CENPW: variants seen among roughly 807,000 people sequenced by gnomAD.
CENPW encodes cancer-up-regulated gene 2 protein.
CENPW carries 3 observed loss-of-function variants against 11.1 expected under a neutral mutation model. The ratio of observed to expected loss-of-function variants is 0.27; its 90% CI spans 0.12 to 0.70. The LOEUF is 0.70. CENPW is among the 30% of genes least tolerant of loss of function. The pLI is 0.77. For missense variants in CENPW, 100 were observed against 105.6 expected (o/e 0.95, Z 0.23); for synonymous variants, 38 against 42.0 (o/e 0.91, Z 0.37).
At chr6:126,348,349 G>GT in intron 2 of CENPW, 117 bp from the exon 3 acceptor site, 1 of 598,722 alleles carries the variant, frequency 1.7e-6, no homozygotes, top group South Asian at 2.0e-5. Context: ...TGGAAAATTG[G>GT]GTTTTATAAA....
At chr6:126,435,739 T>C in the CENPW span, among the ~76,000 whole-genome samples, 3 of 151,898 alleles carry the variant, frequency 2.0e-5, no homozygotes, top group Admixed American at 6.6e-5. Context: ...CAGTGTAATG[T>C]CTTATTAGAT....
the CENPW span, among the ~76,000 whole-genome samples, chr6:126,433,176 T>C: frequency 1.3e-5 from 2 of 152,238 alleles, no homozygotes; most frequent in African/African-American, 4.8e-5. Flanking sequence ...GAAACACATA[T>C]TTAGTTTTTC....
chr6:126,380,673 CTTAT>C, the CENPW span, among the ~76,000 whole-genome samples: 3 of 152,218 alleles, frequency 2.0e-5, no homozygotes, highest in Admixed American at 6.5e-5. Context: ...ATTTTATTTG[CTTAT>C]TTATTTAATA....
chr6:126,416,793 T>A, the CENPW span, among the ~76,000 whole-genome samples: 1 of 152,220 alleles, frequency 6.6e-6, no homozygotes, highest in East Asian at 1.9e-4. Context: ...TGTATGGAAA[T>A]GCCTGGATGT....
chr6:126,397,238 T>G, the CENPW span, among the ~76,000 whole-genome samples: 7 of 152,268 alleles, frequency 4.6e-5, no homozygotes, highest in Admixed American at 2.0e-4. Flanking sequence ...ACCCCTAGGA[T>G]GGACAATTCT....
At chr6:126,439,645 A>G in the CENPW span, among the ~76,000 whole-genome samples, 6 of 151,770 alleles carry the variant, frequency 4.0e-5, no homozygotes, top group African/African-American at 1.4e-4. Context: ...TTTGTACCAA[A>G]TTGATTATTT....
At chr6:126,421,579 TTTC>T in the CENPW span, among the ~76,000 whole-genome samples, 1 of 123,726 alleles carries the variant, frequency 8.1e-6, no homozygotes. Flanking sequence ...TTTCTAACAC[TTTC>T]TTTTTTTTTT....
the CENPW span, among the ~76,000 whole-genome samples, chr6:126,480,160 T>G: frequency 1.3e-5 from 2 of 152,018 alleles, no homozygotes; most frequent in Non-Finnish European, 2.9e-5. Context: ...TTAACTTTGT[T>G]TTTTAAAGTC....
chr6:126,370,201 T>C, the CENPW span, among the ~76,000 whole-genome samples: 1 of 152,218 alleles, frequency 6.6e-6, no homozygotes, highest in African/African-American at 2.4e-5. Flanking sequence ...AGTTAGGTAA[T>C]GTGATGCCTT....
At chr6:126,386,841 A>C in the CENPW span, among the ~76,000 whole-genome samples, 1 of 152,026 alleles carries the variant, frequency 6.6e-6, no homozygotes, top group Non-Finnish European at 1.5e-5. Context: ...TGATAAGTAC[A>C]ATAATTGGAA....
the CENPW span, among the ~76,000 whole-genome samples, chr6:126,412,558 T>C: frequency 6.6e-6 from 1 of 152,272 alleles, no homozygotes; most frequent in East Asian, 1.9e-4. Context: ...ATGGAATTGT[T>C]GAGCTTTTTC....
rs536697565 is a variant in CENPW, at chr6:126,348,863, T to A, written c.*371T>A. 1 of 157,604 alleles carries A rather than the reference T, an allele frequency of 6.3e-6. No individual in the cohort carries two copies. The highest frequency in any genetic ancestry group is 2.4e-5 in the African/African-American group (1 of 41,740). 9.8% of individuals were successfully genotyped at this position (157,604 alleles called of 1,614,324 possible). On this transcript the variant is annotated 3_prime_UTR_variant, in exon 3 of 3. Transcript: ENST00000368328. ...AGCCACAGTTAACTATGGAATTTAA[T>A]CTCTGAAGAAAGGCAAATGCAGTCA...
chr6:126,428,917 G>C, the CENPW span, among the ~76,000 whole-genome samples: 875 of 152,068 alleles, frequency 5.8e-3, 13 homozygotes, highest in African/African-American at 0.02. Context: ...TACTGTTTTT[G>C]TATGTATTCT....
chr6:126,469,325 C>T, the CENPW span, among the ~76,000 whole-genome samples: 9 of 152,214 alleles, frequency 5.9e-5, no homozygotes, highest in East Asian at 1.9e-4. Context: ...TGTCTCCTAC[C>T]GCCTTATGAA....
intron 1 of CENPW, among the ~76,000 whole-genome samples, chr6:126,340,658 A>T (rs1299427180): frequency 6.6e-6 from 1 of 152,188 alleles, no homozygotes; most frequent in East Asian, 1.9e-4. Flanking sequence ...CATGAGCTTA[A>T]CGTACAGTTA....
the CENPW span, among the ~76,000 whole-genome samples, chr6:126,391,654 A>G: frequency 1.3e-5 from 2 of 151,778 alleles, no homozygotes; most frequent in Non-Finnish European, 3.0e-5. Flanking sequence ...GTTATATGGC[A>G]AGAGATAGGA....
chr6:126,394,704 C>T, the CENPW span, among the ~76,000 whole-genome samples: 2 of 152,030 alleles, frequency 1.3e-5, no homozygotes, highest in Non-Finnish European at 2.9e-5. Context: ...TTTAGCATTT[C>T]TTGTCAGACA....
At chr6:126,457,310 C>G in the CENPW span, among the ~76,000 whole-genome samples, 1 of 151,432 alleles carries the variant, frequency 6.6e-6, no homozygotes, top group African/African-American at 2.4e-5. Context: ...TAGAATTGAC[C>G]TTAATGCCCA....
the CENPW span, among the ~76,000 whole-genome samples, chr6:126,435,088 G>C: frequency 0.01 from 1,543 of 151,944 alleles, 25 homozygotes; most frequent in African/African-American, 0.036. Context: ...TCATGATGTA[G>C]AACAATTGGT....
Sources: gnomAD v4.1 joint callset for allele counts (sites outside exome capture counted in the v4.1 genomes callset) on GRCh38, gnomAD v4.1.1 for gene constraint, MANE v1.5 for transcripts, NCBI Gene and HGNC (gene_info 2026-07-23, HGNC 2026-07-21) for gene names.